Variants in KATNAL1 observed in about 807,000 individuals in gnomAD.
KATNAL1 encodes katanin catalytic subunit A1 like 1, also known as katanin p60 ATPase-containing subunit A-like 1.
A neutral mutation model predicts 55.2 loss-of-function variants in KATNAL1; 32 were observed. The observed-to-expected ratio is 0.58, with a 90% confidence interval of 0.44 to 0.78. The LOEUF is 0.78. KATNAL1 is among the 30% of genes least tolerant of loss of function. The pLI is 0.00. For synonymous variants in KATNAL1, 193 were observed against 193.6 expected (o/e 1.00, Z 0.02); for missense variants, 466 against 600.9 (o/e 0.78, Z 2.35).
At chr13:30,278,428 T>C (rs535182603) in intron 3 of KATNAL1, among the ~76,000 whole-genome samples, 1 of 152,308 alleles carries the variant, frequency 6.6e-6, no homozygotes, top group African/African-American at 2.4e-5. Flanking sequence ...CAAAAATAAG[T>C]CAGATCTATG....
chr13:30,270,823 C>G lies in KATNAL1; in HGVS notation c.323+9240G>C, dbSNP rs570937183. 8.1e-3 allele frequency among the ~76,000 whole-genome samples: 1,217 copies of G among 151,128 alleles called. 6 individuals carry two copies. The highest frequency in any genetic ancestry group is 0.013 in the Non-Finnish European group (890 of 67,576). ...TAGGAAAACCAGAGACCTTTGTTCA[C>G]TTGTTTATCTGCTGACCTTCCCTCC... is the stretch of plus-strand genomic sequence containing the variant. On this transcript the variant is annotated intron_variant, in intron 3 of 10. Transcript: ENST00000380615.
At chr13:30,275,327 T>C (rs1880762065) in intron 3 of KATNAL1, among the ~76,000 whole-genome samples, 1 of 152,130 alleles carries the variant, frequency 6.6e-6, no homozygotes, top group East Asian at 1.9e-4. Context: ...TCAGATCTCA[T>C]GTGAACTGAG....
intron 3 of KATNAL1, 141 bp downstream of exon 3, chr13:30,279,922 A>G: frequency 1.4e-6 from 1 of 692,454 alleles, no homozygotes; most frequent in African/African-American, 1.8e-5. Flanking sequence ...CAAAACTGTA[A>G]ATGTATAAAT....
intron 9 of KATNAL1, among the ~76,000 whole-genome samples, chr13:30,216,097 A>G (rs1040420868): frequency 6.6e-6 from 1 of 152,204 alleles, no homozygotes; most frequent in Non-Finnish European, 1.5e-5. Context: ...TAACATGGAT[A>G]AATCTTAAAA....
intron 1 of KATNAL1, among the ~76,000 whole-genome samples, chr13:30,297,566 G>A (rs921171682): frequency 2.0e-5 from 3 of 152,052 alleles, no homozygotes; most frequent in South Asian, 2.1e-4. Context: ...ACATGCACTC[G>A]TATCTTCACT....
At chr13:30,240,870 A>G (rs1449336597) in intron 5 of KATNAL1, 89 bp downstream of exon 5, 1 of 1,168,364 alleles carries the variant, frequency 8.6e-7, no homozygotes, top group Non-Finnish European at 1.2e-6. Context: ...TAATCAGATT[A>G]ATGAATAACA....
intron 1 of KATNAL1, among the ~76,000 whole-genome samples, chr13:30,288,592 T>C (rs1881943941): frequency 6.6e-6 from 1 of 152,236 alleles, no homozygotes; most frequent in South Asian, 2.1e-4. Context: ...ATATAACAAC[T>C]GTTTTGTCTT....
intron 2 of KATNAL1, among the ~76,000 whole-genome samples, chr13:30,283,028 G>C (rs1164583031): frequency 6.6e-6 from 1 of 151,252 alleles, no homozygotes; most frequent in East Asian, 1.9e-4. Flanking sequence ...CCAGCACTTT[G>C]GGAGGCTGAG....
intron 3 of KATNAL1, among the ~76,000 whole-genome samples, chr13:30,256,556 C>G (rs1045302991): frequency 6.6e-5 from 10 of 152,136 alleles, no homozygotes; most frequent in African/African-American, 9.7e-5. Context: ...CCCTTTCCAG[C>G]CTCACACTTA....
At chr13:30,274,891 A>ACATATACGCGCG (rs55740915) in intron 3 of KATNAL1, among the ~76,000 whole-genome samples, 2 of 122,134 alleles carry the variant, frequency 1.6e-5, no homozygotes, top group Admixed American at 1.7e-4. Flanking sequence ...GCACACACAT[A>ACATATACGCGCG]CGCGCGCGCG....
intron 4 of KATNAL1, among the ~76,000 whole-genome samples, chr13:30,249,521 A>G (rs1018103839): frequency 6.6e-6 from 1 of 152,236 alleles, no homozygotes. Context: ...ATAAGAAAAC[A>G]GATTTTAACT....
Position 30,203,297 on chromosome 13 carries a change from G to A in KATNAL1, c.*5243C>T, listed in dbSNP as rs1228965779. 1 of 152,240 alleles carries A rather than the reference G, an allele frequency of 6.6e-6. No individual in the cohort carries two copies. Among genetic ancestry groups the A allele is most frequent in the Non-Finnish European group, 1.5e-5 (1 of 68,048 alleles). The allele number at this position is 152,240 out of a possible 1,614,324, so 9.4% of individuals were successfully genotyped here. On this transcript the variant is annotated 3_prime_UTR_variant, in exon 11 of 11. Coordinates refer to ENST00000380615, the MANE Select transcript of KATNAL1 (RefSeq NM_032116.5). ...GTTAATGGGAGGAGGGCAACAGCAG[G>A]AGGGAAGGATGTGCTTAAAAGAAAC... is the stretch of plus-strand genomic sequence containing the variant.
rs555977622 is a variant in KATNAL1 at position 30,287,695 on chromosome 13, T to C, written c.-14-3904A>G. ...TATGGCCTTATTATAATGAATAATA[T>C]GTAATTAATAAATCCAGTAGAAACA... On this transcript the variant is annotated intron_variant, in intron 1 of 10. Transcript: ENST00000380615. Among the ~76,000 whole-genome samples, 28 of 152,342 alleles carry C rather than the reference T, an allele frequency of 1.8e-4. No individual in the cohort carries two copies. In the South Asian group the frequency reaches 5.0e-3, roughly 27 times the overall value.
intron 9 of KATNAL1, among the ~76,000 whole-genome samples, chr13:30,223,001 A>G (rs1194917853): frequency 6.7e-6 from 1 of 149,168 alleles, no homozygotes; most frequent in Non-Finnish European, 1.5e-5. Context: ...AGGCTGAGGC[A>G]GCAGAATCAC....
chr13:30,259,523 C>A (rs985585159), intron 3 of KATNAL1, among the ~76,000 whole-genome samples: 3 of 152,154 alleles, frequency 2.0e-5, no homozygotes, highest in Admixed American at 6.5e-5. Flanking sequence ...GCGCACCGTG[C>A]ACGAGCCGAA....
At chr13:30,290,987 G>A (rs1038124309) in intron 1 of KATNAL1, among the ~76,000 whole-genome samples, 2 of 152,082 alleles carry the variant, frequency 1.3e-5, no homozygotes, top group Non-Finnish European at 2.9e-5. Flanking sequence ...AAATACCTAC[G>A]GCTAGCATAT....
intron 8 of KATNAL1, among the ~76,000 whole-genome samples, chr13:30,230,110 G>A (rs1330978878): frequency 6.6e-6 from 1 of 152,046 alleles, no homozygotes; most frequent in Non-Finnish European, 1.5e-5. Context: ...GAGTGAAAAA[G>A]AAAAGGCAAA....
At chr13:30,252,717 G>T (rs910151007) in intron 4 of KATNAL1, among the ~76,000 whole-genome samples, 10 of 151,634 alleles carry the variant, frequency 6.6e-5, no homozygotes, top group Admixed American at 6.6e-4. Context: ...ATCTCTGAGG[G>T]TACTTCCAAA....
intron 1 of KATNAL1, chr13:30,296,648 A>AT (rs1593186809): frequency 1.5e-6 from 1 of 683,702 alleles, no homozygotes; most frequent in African/African-American, 1.8e-5. Context: ...AGCACAGGGA[A>AT]GTTTGTCCTG....
Sources: allele counts gnomAD v4.1 joint callset (sites outside exome capture counted in the v4.1 genomes callset), GRCh38; gene constraint gnomAD v4.1.1; transcripts MANE v1.5; gene names NCBI Gene and HGNC (gene_info 2026-07-23, HGNC 2026-07-21).